RCAN1: variants seen among roughly 807,000 people sequenced by gnomAD.
RCAN1 encodes regulator of calcineurin 1.
In RCAN1, 11 loss-of-function variants were observed where a neutral mutation model predicts 22.9. The ratio of observed to expected loss-of-function variants is 0.48; its 90% CI spans 0.30 to 0.79. RCAN1 has a LOEUF of 0.79. RCAN1 is among the 30% of genes least tolerant of loss of function. RCAN1 has a pLI of 0.06. For missense variants in RCAN1, 291 were observed against 337.8 expected, an observed-to-expected ratio of 0.86 and a Z score of 1.09; for synonymous variants, 136 against 142.3, an observed-to-expected ratio of 0.96 and a Z score of 0.32.
chr21:34,573,025 C>G (rs980063843), intron 1 of RCAN1, among the ~76,000 whole-genome samples: 2 of 152,212 alleles, frequency 1.3e-5, no homozygotes, highest in Non-Finnish European at 2.9e-5. Context: ...GGACACAGAG[C>G]CAAACCATAT....
At chr21:34,522,338 T>C (rs1984634788) in intron 2 of RCAN1, 2 of 152,154 alleles carry the variant, frequency 1.3e-5, no homozygotes, top group Non-Finnish European at 2.9e-5. Context: ...CGGTGTAGGT[T>C]TTCTCTGCAC....
chr21:34,609,582 A>G (rs898375696), intron 1 of RCAN1, among the ~76,000 whole-genome samples: 1 of 152,232 alleles, frequency 6.6e-6, no homozygotes. Context: ...AAACATTGGA[A>G]CCAACAGCTC....
intron 1 of RCAN1, among the ~76,000 whole-genome samples, chr21:34,532,114 G>A (rs995884705): frequency 6.6e-6 from 1 of 152,114 alleles, no homozygotes; most frequent in Non-Finnish European, 1.5e-5. Flanking sequence ...AGGCATCGGG[G>A]TAAAGAGGAC....
At chr21:34,572,836 C>A (rs984775957) in intron 1 of RCAN1, among the ~76,000 whole-genome samples, 3 of 152,180 alleles carry the variant, frequency 2.0e-5, no homozygotes, top group African/African-American at 7.2e-5. Context: ...GCAAGCATGT[C>A]TTCACATGAC....
At chr21:34,550,066 T>G (rs1244442640) in intron 1 of RCAN1, among the ~76,000 whole-genome samples, 1 of 152,188 alleles carries the variant, frequency 6.6e-6, no homozygotes, top group Non-Finnish European at 1.5e-5. Context: ...GCCCATTCTA[T>G]TATCTGTGGA....
intron 1 of RCAN1, among the ~76,000 whole-genome samples, chr21:34,610,903 T>A (rs1198275207): frequency 6.6e-6 from 1 of 151,970 alleles, no homozygotes; most frequent in East Asian, 1.9e-4. Context: ...GGTGAGTTGT[T>A]TTTGTTTTTT....
chr21:34,579,389 C>T (rs1208929561), intron 1 of RCAN1, among the ~76,000 whole-genome samples: 2 of 152,042 alleles, frequency 1.3e-5, no homozygotes, highest in Non-Finnish European at 1.5e-5. Flanking sequence ...GGTGACACAG[C>T]GAGAGTCCCA....
chr21:34,568,847 C>T (rs967825052), intron 1 of RCAN1, among the ~76,000 whole-genome samples: 2 of 152,134 alleles, frequency 1.3e-5, no homozygotes, highest in Non-Finnish European at 2.9e-5. Flanking sequence ...TAAAGATATA[C>T]CCAAGACTGG....
intron 1 of RCAN1, among the ~76,000 whole-genome samples, chr21:34,613,278 A>G (rs563837229): frequency 2.0e-5 from 3 of 152,148 alleles, no homozygotes; most frequent in Non-Finnish European, 4.4e-5. Context: ...TTCCTATAGC[A>G]TCATTACTTT....
At chr21:34,590,608 C>A (rs1052232638) in intron 1 of RCAN1, among the ~76,000 whole-genome samples, 1 of 152,228 alleles carries the variant, frequency 6.6e-6, no homozygotes, top group African/African-American at 2.4e-5. Flanking sequence ...CATCCCAGCA[C>A]CTGCTCAGCA....
chr21:34,596,419 G>T (rs1311754171), intron 1 of RCAN1, among the ~76,000 whole-genome samples: 1 of 152,208 alleles, frequency 6.6e-6, no homozygotes, highest in Non-Finnish European at 1.5e-5. Flanking sequence ...AAGAGAGAAA[G>T]AGTTGGCTAA....
At chr21:34,580,041 G>A (rs1048850620) in intron 1 of RCAN1, among the ~76,000 whole-genome samples, 1 of 152,200 alleles carries the variant, frequency 6.6e-6, no homozygotes, top group Non-Finnish European at 1.5e-5. Flanking sequence ...GAGAACAGAG[G>A]GGAAAGTGTC....
intron 1 of RCAN1, among the ~76,000 whole-genome samples, chr21:34,533,728 G>A (rs1196096608): frequency 5.9e-5 from 9 of 152,210 alleles, no homozygotes; most frequent in Middle Eastern, 3.2e-3. Flanking sequence ...ACAGAGCAGC[G>A]CGGAGGGGCA....
chr21:34,540,598 C>A (rs1324863558), intron 1 of RCAN1, among the ~76,000 whole-genome samples: 2 of 152,100 alleles, frequency 1.3e-5, no homozygotes, highest in East Asian at 3.8e-4. Context: ...CCCTTAAAAC[C>A]CTTCATAAAC....
intron 1 of RCAN1, among the ~76,000 whole-genome samples, chr21:34,548,557 A>G (rs1309114389): frequency 6.6e-6 from 1 of 152,232 alleles, no homozygotes; most frequent in Non-Finnish European, 1.5e-5. Flanking sequence ...CAATGTCGAA[A>G]CTTTTGAAAT....
At chr21:34,537,822 G>C (rs893175825) in intron 1 of RCAN1, among the ~76,000 whole-genome samples, 3 of 142,624 alleles carry the variant, frequency 2.1e-5, no homozygotes, top group African/African-American at 8.4e-5. Flanking sequence ...CTCCCACATG[G>C]TAATTGTGTG....
chr21:34,579,161 G>A (rs1987518568), intron 1 of RCAN1, among the ~76,000 whole-genome samples: 1 of 152,176 alleles, frequency 6.6e-6, no homozygotes, highest in Non-Finnish European at 1.5e-5. Context: ...TTGGGAGGCT[G>A]AGGTGGGCAG....
At position 34,614,547 on chromosome 21, in the gene RCAN1, G is replaced by T; in HGVS notation, c.252+213C>A. ...GCGAGCCTGTGGGACTCTGCAGTGA[G>T]CTCCGCGCGCCCCGGGGGTGCTAGG... On this transcript the variant is annotated intron_variant, in intron 1 of 3. Transcript: ENST00000313806. The surrounding 1 kb of genome is among the most constrained non-coding windows in gnomAD (Gnocchi z 6.0). 2 of 1,012,618 alleles carry T rather than the reference G, an allele frequency of 2.0e-6. No individual in the cohort carries two copies. The highest frequency in any genetic ancestry group is 2.4e-6 in the Non-Finnish European group (2 of 832,314). 62.7% of individuals were successfully genotyped at this position (1,012,618 alleles called of 1,614,324 possible).
At chr21:34,595,857 C>T (rs191740065) in intron 1 of RCAN1, among the ~76,000 whole-genome samples, 273 of 152,316 alleles carry the variant, frequency 1.8e-3, no homozygotes, top group African/African-American at 4.8e-3. Context: ...GACCACCCCC[C>T]GGCAGGGGTG....
Sources: allele counts gnomAD v4.1 joint callset (sites outside exome capture counted in the v4.1 genomes callset), GRCh38; gene constraint gnomAD v4.1.1; non-coding constraint Gnocchi (gnomAD v3.1); transcripts MANE v1.5; gene names NCBI Gene and HGNC (gene_info 2026-07-23, HGNC 2026-07-21).